The following CERK variants were observed in gnomAD, a reference collection of about 807,000 sequenced individuals.
The protein encoded by CERK is ceramide kinase, also known as acylsphingosine kinase.
CERK carries 39 observed loss-of-function variants against 63.4 expected under a neutral mutation model. That is an observed-to-expected ratio of 0.61 (90% CI 0.48 to 0.80). The LOEUF is 0.80. Ranked by LOEUF, CERK falls within the 30% of genes least tolerant of loss-of-function variation. The probability of loss-of-function intolerance (pLI) is 0.00; values close to 1 mark genes in which losing one functional copy is unlikely to be tolerated. For synonymous variants in CERK, 302 were observed against 280.0 expected, an observed-to-expected ratio of 1.08 and a Z score of -0.78; for missense variants, 670 against 714.1, an observed-to-expected ratio of 0.94 and a Z score of 0.70.
chr22:46,736,040 C>A (rs577730820), intron 1 of CERK, among the ~76,000 whole-genome samples: 1 of 152,212 alleles, frequency 6.6e-6, no homozygotes, highest in Non-Finnish European at 1.5e-5. Context: ...CAGCCAGGGC[C>A]CCACCATCCA....
At chr22:46,703,648 C>G (rs1165818784) in intron 6 of CERK, among the ~76,000 whole-genome samples, 1 of 152,184 alleles carries the variant, frequency 6.6e-6, no homozygotes, top group African/African-American at 2.4e-5. Flanking sequence ...CCCCCACCAG[C>G]TACACCCCGG....
At chr22:46,731,996 G>T (rs1325501412) in intron 1 of CERK, among the ~76,000 whole-genome samples, 1 of 152,214 alleles carries the variant, frequency 6.6e-6, no homozygotes, top group East Asian at 1.9e-4. Context: ...CAGCAGGAGG[G>T]GTCGGGAGGG....
chr22:46,735,171 A>G (rs2082966715), intron 1 of CERK: 2 of 152,274 alleles, frequency 1.3e-5, no homozygotes, highest in Non-Finnish European at 1.5e-5. Context: ...AGTCAGGGGA[A>G]ATAACCCAGA....
At chr22:46,729,892 A>G (rs1251173317) in intron 1 of CERK, among the ~76,000 whole-genome samples, 1 of 152,030 alleles carries the variant, frequency 6.6e-6, no homozygotes, top group Non-Finnish European at 1.5e-5. Context: ...ACAAAAAATT[A>G]GCCAGGCGTG....
At chr22:46,701,537 G>A (rs2082783956) in intron 7 of CERK, 99 bp downstream of exon 7, 10 of 1,007,312 alleles carry the variant, frequency 9.9e-6, no homozygotes, top group African/African-American at 3.2e-5. Context: ...AGGACAGGAC[G>A]GCAACGGCTG....
At chr22:46,734,762 A>C (rs1370779947) in intron 1 of CERK, among the ~76,000 whole-genome samples, 1 of 152,244 alleles carries the variant, frequency 6.6e-6, no homozygotes, top group Non-Finnish European at 1.5e-5. Context: ...TTACATATAC[A>C]CAAATACCAA....
chr22:46,709,032 G>A (rs927600344), intron 5 of CERK, among the ~76,000 whole-genome samples: 2 of 152,194 alleles, frequency 1.3e-5, no homozygotes, highest in Non-Finnish European at 2.9e-5. Context: ...CCTGCTTTGG[G>A]CCCGGCTCCC....
intron 5 of CERK, among the ~76,000 whole-genome samples, chr22:46,710,195 G>A (rs2082833443): frequency 6.6e-6 from 1 of 152,206 alleles, no homozygotes; most frequent in Non-Finnish European, 1.5e-5. Context: ...TTGGGAGGCT[G>A]AGGCGGGTCG....
intron 12 of CERK, among the ~76,000 whole-genome samples, chr22:46,689,654 G>T (rs1479870434): frequency 6.6e-6 from 1 of 152,154 alleles, no homozygotes; most frequent in Admixed American, 6.5e-5. Context: ...TTATTTAGGA[G>T]AAGAGAGAGA....
chr22:46,690,331 G>C (rs916571461), intron 11 of CERK, 131 bp from the exon 12 acceptor site: 1 of 649,446 alleles, frequency 1.5e-6, no homozygotes, highest in South Asian at 2.0e-5. Context: ...CGGAGGATGC[G>C]ACTGCTTGTG....
chr22:46,687,663 G>A (rs1178863238), intron 12 of CERK, among the ~76,000 whole-genome samples: 2 of 151,934 alleles, frequency 1.3e-5, no homozygotes, highest in African/African-American at 2.4e-5. Context: ...CTCAATGCGT[G>A]TAAGAGATGT....
chr22:46,704,957 C>T (rs911185705), intron 6 of CERK, among the ~76,000 whole-genome samples: 2 of 152,154 alleles, frequency 1.3e-5, no homozygotes, highest in African/African-American at 4.8e-5. Flanking sequence ...AGTGTGGCCT[C>T]ACACATAATG....
At chr22:46,706,797 A>G (rs2082814908) in intron 6 of CERK, among the ~76,000 whole-genome samples, 1 of 152,208 alleles carries the variant, frequency 6.6e-6, no homozygotes, top group African/African-American at 2.4e-5. Context: ...GAGTCTTGAT[A>G]CTGAAAACAC....
chr22:46,713,237 G>A (rs1361357687), intron 3 of CERK, among the ~76,000 whole-genome samples: 1 of 151,982 alleles, frequency 6.6e-6, no homozygotes, highest in Non-Finnish European at 1.5e-5. Flanking sequence ...AGGCGCGGTG[G>A]CTCATGCCTG....
At position 46,712,101 on chromosome 22, in the gene CERK, G is replaced by A. The variant is rs574264074; in HGVS notation, c.505+67C>T. 1.7e-4 allele frequency: 271 copies of A among 1,571,118 alleles called. No homozygotes were observed. In the African/African-American group the frequency reaches 1.9e-3, roughly 11 times the overall value. ...GACACCGTCTAGAAAAAGCAGAAAC[G>A]TCTCTAGTGACTATACTTGAATCAT... On this transcript the variant is annotated intron_variant, in intron 4 of 12. Coordinates refer to ENST00000216264, the MANE Select transcript of CERK (RefSeq NM_022766.6).
intron 9 of CERK, among the ~76,000 whole-genome samples, chr22:46,694,513 G>A (rs1307385378): frequency 6.6e-6 from 1 of 152,038 alleles, no homozygotes; most frequent in African/African-American, 2.4e-5. Context: ...TCTGCACTCA[G>A]CCTCCCCTCC....
chr22:46,732,877 T>C (rs538915667), intron 1 of CERK, among the ~76,000 whole-genome samples: 1 of 152,258 alleles, frequency 6.6e-6, no homozygotes, highest in Non-Finnish European at 1.5e-5. Context: ...GTCTGCCTTT[T>C]TTCCTATCAA....
chr22:46,701,628 G>A lies in CERK; in HGVS notation c.790+8C>T, dbSNP rs1341999403. 9.0e-6 allele frequency: 14 copies of A among 1,554,192 alleles called. No homozygotes were observed. In the East Asian group the frequency reaches 3.2e-4, roughly 35 times the overall value. Reference sequence around the variant, plus strand: ...GCCACCGTGCGCATGCGCAGAGGAGGGGCTCACCAACAACGATATGCAGCG... The same window carrying A: ...GCCACCGTGCGCATGCGCAGAGGAGAGGCTCACCAACAACGATATGCAGCG... On this transcript the variant is annotated splice_region_variant and intron_variant, in intron 7 of 12. Coordinates refer to ENST00000216264, the MANE Select transcript of CERK (RefSeq NM_022766.6).
chr22:46,732,098 G>A (rs1601732506), intron 1 of CERK, among the ~76,000 whole-genome samples: 1 of 152,144 alleles, frequency 6.6e-6, no homozygotes, highest in African/African-American at 2.4e-5. Context: ...GAAGAGGTAT[G>A]GGATCCGGAC....
Sources: allele counts gnomAD v4.1 joint callset (sites outside exome capture counted in the v4.1 genomes callset), GRCh38; gene constraint gnomAD v4.1.1; transcripts MANE v1.5; gene names NCBI Gene and HGNC (gene_info 2026-07-23, HGNC 2026-07-21).